The following PPFIBP2 variants were observed in gnomAD, a reference collection of about 807,000 sequenced individuals.
The protein encoded by PPFIBP2 is PPFIB scaffold protein 2.
Under a neutral mutation model 118.3 loss-of-function variants are expected in PPFIBP2, and 118 were observed. The observed-to-expected ratio is 1.00, with a 90% CI of 0.86 to 1.16. The LOEUF is 1.16. Ranked by LOEUF, PPFIBP2 falls within the 50% of genes most tolerant of loss-of-function variation. PPFIBP2 has a pLI of 0.00. For missense variants in PPFIBP2, 1,195 were observed against 1,073.1 expected (o/e 1.11, Z -1.59); for synonymous variants, 414 against 397.4 (o/e 1.04, Z -0.50).
chr11:7,607,571 G>T (rs1044545418), intron 5 of PPFIBP2, among the ~76,000 whole-genome samples: 1 of 152,032 alleles, frequency 6.6e-6, no homozygotes, highest in African/African-American at 2.4e-5. Flanking sequence ...ATTAGTAATT[G>T]TCATGTATCT....
chr11:7,547,909 C>T lies in PPFIBP2; in HGVS notation c.-36-1531C>T, dbSNP rs529369642. 5.1e-4 allele frequency among the ~76,000 whole-genome samples: 78 copies of T among 152,166 alleles called. 1 individual carries two copies. Among genetic ancestry groups the T allele is most frequent in the African/African-American group, 1.8e-3 (73 of 41,442 alleles). ...CTTCCCCATGCCTGCCGCCTCCAAA[C>T]GAACCAGCCTCCTGAGTTTATCTGG... On this transcript the variant is annotated intron_variant, in intron 1 of 23. Coordinates refer to ENST00000299492, the MANE Select transcript of PPFIBP2 (RefSeq NM_003621.5).
rs781001068 is a variant in PPFIBP2, at chr11:7,649,463, G to A, written c.1999-69G>A. 4.4e-6 allele frequency: 7 copies of A among 1,590,836 alleles called. No homozygotes were observed. In the African/African-American group the frequency reaches 5.4e-5, roughly 12 times the overall value. On this transcript the variant is annotated intron_variant, in intron 20 of 23. Coordinates refer to ENST00000299492, the MANE Select transcript of PPFIBP2 (RefSeq NM_003621.5). Reference sequence around the variant, plus strand: ...GGTTGACTTGTCTATGCTTGGTCTGGTGAGGGACATCAGGGGTCTTTTGTC... The same window carrying A: ...GGTTGACTTGTCTATGCTTGGTCTGATGAGGGACATCAGGGGTCTTTTGTC...
chr11:7,655,541 G>A (rs1339904896), downstream of PPFIBP2: 1 of 1,270,520 alleles, frequency 7.9e-7, no homozygotes, highest in African/African-American at 1.5e-5. Context: ...TGGTGCCAGG[G>A]AGGCCCAGTG....
intron 2 of PPFIBP2, among the ~76,000 whole-genome samples, chr11:7,560,796 C>T (rs923576346): frequency 6.6e-6 from 1 of 152,168 alleles, no homozygotes; most frequent in Non-Finnish European, 1.5e-5. Context: ...ATGAGCTTGC[C>T]AACATTAATT....
At chr11:7,665,262 G>C in the PPFIBP2 span, 175,940 of 930,108 alleles carry the variant, frequency 0.19, 17,407 homozygotes, top group Middle Eastern at 0.24. Flanking sequence ...GTGTGTGCGC[G>C]AAGGTACATG....
intron 3 of PPFIBP2, among the ~76,000 whole-genome samples, chr11:7,586,849 C>T (rs183084583): frequency 6.6e-6 from 1 of 152,200 alleles, no homozygotes; most frequent in African/African-American, 2.4e-5. Context: ...CCTCCCAGCG[C>T]CCAGACCTGG....
At chr11:7,597,369 G>A (rs1260066140) in intron 4 of PPFIBP2, 191 bp from the exon 5 acceptor site, 1 of 1,536,164 alleles carries the variant, frequency 6.5e-7, no homozygotes, top group South Asian at 1.2e-5. Flanking sequence ...AGACTCCCTG[G>A]TAAGGTAAGA....
chr11:7,664,048 G>C, the PPFIBP2 span, among the ~76,000 whole-genome samples: 1 of 152,172 alleles, frequency 6.6e-6, no homozygotes, highest in Non-Finnish European at 1.5e-5. Context: ...CCCACTGTCT[G>C]GCACTCCCTA....
chr11:7,573,974 C>T (rs1049119724), intron 3 of PPFIBP2: 1 of 152,252 alleles, frequency 6.6e-6, no homozygotes, highest in African/African-American at 2.4e-5. Flanking sequence ...CTCAGGGGGC[C>T]TCAGCTCCTT....
intron 2 of PPFIBP2, among the ~76,000 whole-genome samples, chr11:7,559,663 C>T (rs567104901): frequency 6.6e-6 from 1 of 152,168 alleles, no homozygotes; most frequent in South Asian, 2.1e-4. Flanking sequence ...GCTTCCCTGC[C>T]GTTGGGTGAA....
In PPFIBP2 at chr11:7,653,256, C is replaced by A. The variant is rs1854330044; in HGVS notation, c.*38C>A. 2 of 1,612,096 alleles carry A rather than the reference C, an allele frequency of 1.2e-6. No homozygotes were observed. The highest frequency in any genetic ancestry group is 2.2e-5 in the South Asian group (2 of 90,744). ...CTGCCCTCTGTGCACCCTGAGAGCTCACAGTAACACTGTGTGTGTCACCAT... is the reference window on the plus strand; with the variant it reads ...CTGCCCTCTGTGCACCCTGAGAGCTAACAGTAACACTGTGTGTGTCACCAT... On this transcript the variant is annotated 3_prime_UTR_variant, in exon 24 of 24. Coordinates refer to ENST00000299492, the MANE Select transcript of PPFIBP2 (RefSeq NM_003621.5).
chr11:7,574,274 C>A (rs930953288), intron 3 of PPFIBP2, among the ~76,000 whole-genome samples: 1 of 152,066 alleles, frequency 6.6e-6, no homozygotes, highest in Non-Finnish European at 1.5e-5. Flanking sequence ...CTGTAGTGAC[C>A]CGTATTTGTG....
At chr11:7,515,914 T>TGGG (rs1849190311) in intron 1 of PPFIBP2, among the ~76,000 whole-genome samples, 2 of 152,298 alleles carry the variant, frequency 1.3e-5, no homozygotes, top group Non-Finnish European at 2.9e-5. Flanking sequence ...GAGAATCCTG[T>TGGG]GGGGATCTTG....
At chr11:7,571,375 C>G (rs116989232) in intron 3 of PPFIBP2, among the ~76,000 whole-genome samples, 3,457 of 151,786 alleles carry the variant, frequency 0.023, 43 homozygotes, top group Middle Eastern at 0.041. Flanking sequence ...TTCATTCTGT[C>G]CAAGAAGCAA....
chr11:7,543,712 C>T (rs1852015642), intron 1 of PPFIBP2, among the ~76,000 whole-genome samples: 1 of 152,182 alleles, frequency 6.6e-6, no homozygotes, highest in Non-Finnish European at 1.5e-5. Flanking sequence ...TACTTGCTTC[C>T]GACTTACCTT....
chr11:7,580,123 C>T (rs945171521), intron 3 of PPFIBP2, among the ~76,000 whole-genome samples: 1 of 152,130 alleles, frequency 6.6e-6, no homozygotes, highest in African/African-American at 2.4e-5. Flanking sequence ...TTTATATCTA[C>T]CCTGATGAGC....
chr11:7,516,488 G>A (rs1368710720), intron 1 of PPFIBP2, among the ~76,000 whole-genome samples: 4 of 152,280 alleles, frequency 2.6e-5, no homozygotes, highest in South Asian at 2.1e-4. Context: ...TAATGTTTAA[G>A]GTAAAGTTTA....
chr11:7,589,239 C>A (rs548837742), intron 3 of PPFIBP2, among the ~76,000 whole-genome samples: 3 of 152,048 alleles, frequency 2.0e-5, no homozygotes, highest in Non-Finnish European at 4.4e-5. Context: ...ACAAGTATAA[C>A]GGGGGTGGAT....
chr11:7,606,733 A>G (rs1847384930), intron 5 of PPFIBP2, among the ~76,000 whole-genome samples: 1 of 152,144 alleles, frequency 6.6e-6, no homozygotes, highest in African/African-American at 2.4e-5. Flanking sequence ...AACCATTGGT[A>G]TGACTAATCA....
Sources: allele counts gnomAD v4.1 joint callset (sites outside exome capture counted in the v4.1 genomes callset), GRCh38; gene constraint gnomAD v4.1.1; transcripts MANE v1.5; gene names NCBI Gene and HGNC (gene_info 2026-07-23, HGNC 2026-07-21).